PDE4B: variants seen among roughly 807,000 people sequenced by gnomAD.
The protein encoded by PDE4B is 3',5'-cyclic-AMP phosphodiesterase 4B.
PDE4B carries 20 observed loss-of-function variants against 82.2 expected under a neutral mutation model. The observed-to-expected ratio is 0.24, with a 90% CI of 0.17 to 0.35. The LOEUF (loss-of-function observed/expected upper bound fraction) is 0.35, where lower values mean the gene tolerates loss of function less well. Ranked by LOEUF, PDE4B falls within the 10% of genes least tolerant of loss-of-function variation. The pLI is 1.00. For missense variants in PDE4B, 655 were observed against 907.2 expected (o/e 0.72, Z 3.57); for synonymous variants, 320 against 318.9 (o/e 1.00, Z -0.04).
chr1:66,084,932 A>G (rs916656679), intron 3 of PDE4B, among the ~76,000 whole-genome samples: 2 of 152,170 alleles, frequency 1.3e-5, no homozygotes, highest in Admixed American at 6.5e-5. Flanking sequence ...ACAGCCAGTC[A>G]CATGCATAGA....
At chr1:66,094,933 G>A (rs935470607) in intron 3 of PDE4B, among the ~76,000 whole-genome samples, 1 of 151,884 alleles carries the variant, frequency 6.6e-6, no homozygotes, top group African/African-American at 2.4e-5. Context: ...ATGAACCTGT[G>A]CAGTCTGACT....
chr1:66,174,956 A>G (rs375428711), intron 3 of PDE4B, among the ~76,000 whole-genome samples: 1 of 152,150 alleles, frequency 6.6e-6, no homozygotes, highest in Non-Finnish European at 1.5e-5. Context: ...GGAGAGAGAG[A>G]GGGAGGAGGT....
At chr1:66,244,912 A>G (rs897881578) in intron 3 of PDE4B, among the ~76,000 whole-genome samples, 14 of 152,176 alleles carry the variant, frequency 9.2e-5, no homozygotes, top group Non-Finnish European at 1.6e-4. Context: ...CTAGGGACAG[A>G]ATGCCTATGA....
At chr1:65,998,092 G>A (rs2100698387) in intron 3 of PDE4B, among the ~76,000 whole-genome samples, 1 of 152,118 alleles carries the variant, frequency 6.6e-6, no homozygotes, top group South Asian at 2.1e-4. Flanking sequence ...TATATAATGT[G>A]TTGGATATTA....
intron 7 of PDE4B, among the ~76,000 whole-genome samples, chr1:66,291,656 G>C (rs951199543): frequency 7.9e-5 from 12 of 152,106 alleles, no homozygotes; most frequent in African/African-American, 2.9e-4. Context: ...GGTGACCTAT[G>C]TTAAGAGAAT....
intron 1 of PDE4B, among the ~76,000 whole-genome samples, chr1:65,830,245 G>A (rs963809574): frequency 1.3e-5 from 2 of 152,060 alleles, no homozygotes; most frequent in Non-Finnish European, 2.9e-5. Context: ...ATAAACAAAT[G>A]ATTGAAAAAT....
At chr1:66,007,482 A>G (rs1292110286) in intron 3 of PDE4B, among the ~76,000 whole-genome samples, 3 of 152,114 alleles carry the variant, frequency 2.0e-5, no homozygotes, top group East Asian at 1.9e-4. Context: ...CAAATGAAAA[A>G]CAAGTATAAA....
intron 1 of PDE4B, among the ~76,000 whole-genome samples, chr1:65,899,290 T>A (rs1375178017): frequency 1.3e-5 from 2 of 151,876 alleles, no homozygotes; most frequent in African/African-American, 4.8e-5. Flanking sequence ...CCTACAAGAA[T>A]GGCCATAATA....
chr1:65,843,113 T>C (rs1422279292), intron 1 of PDE4B, among the ~76,000 whole-genome samples: 3 of 152,146 alleles, frequency 2.0e-5, no homozygotes, highest in Admixed American at 6.6e-5. Flanking sequence ...TAAAGGGCCT[T>C]TTCTGTCATA....
intron 3 of PDE4B, among the ~76,000 whole-genome samples, chr1:66,075,732 G>A (rs1164946274): frequency 1.3e-5 from 2 of 152,042 alleles, no homozygotes; most frequent in East Asian, 3.9e-4. Context: ...GCAACGGGAA[G>A]AAGACCTCTG....
chr1:66,267,037 T>C (rs1416111097), intron 7 of PDE4B: 3 of 157,162 alleles, frequency 1.9e-5, no homozygotes, highest in Non-Finnish European at 4.2e-5. Flanking sequence ...ATAACGGAAG[T>C]ATTACAAAAG....
At chr1:65,795,496 C>T (rs1322215539) in intron 1 of PDE4B, among the ~76,000 whole-genome samples, 2 of 152,232 alleles carry the variant, frequency 1.3e-5, no homozygotes, top group Non-Finnish European at 2.9e-5. Context: ...TGTGCCAAAT[C>T]GTTCTTCAAG....
intron 3 of PDE4B, among the ~76,000 whole-genome samples, chr1:66,071,516 A>G (rs974938729): frequency 2.0e-5 from 3 of 152,108 alleles, no homozygotes; most frequent in African/African-American, 7.2e-5. Flanking sequence ...CATTGCTGTA[A>G]AACTGAAATG....
At position 65,918,752 on chromosome 1, in the gene PDE4B, T is replaced by C; in HGVS notation, c.198T>C (p.Pro66=). Residue 66 remains proline (P), a synonymous_variant, in exon 3 of 17, where the codon CCT becomes CCC. Coordinates refer to ENST00000341517, the MANE Select transcript of PDE4B (RefSeq NM_002600.4). ...GACAGAGTGAAAGGGCAAGGACTCCTGAGGGAGATGGTATTTCCAGGCCGA... is the reference window on the plus strand; with the variant it reads ...GACAGAGTGAAAGGGCAAGGACTCCCGAGGGAGATGGTATTTCCAGGCCGA... ...SQRQSERART[P]EGDGISRPTT... 3 of 1,614,034 alleles carry C rather than the reference T, an allele frequency of 1.9e-6. No homozygotes were observed. Among genetic ancestry groups the C allele is most frequent in the Middle Eastern group, 1.7e-4 (1 of 6,060 alleles).
At chr1:66,221,106 C>T (rs1033035989) in intron 3 of PDE4B, among the ~76,000 whole-genome samples, 10 of 152,014 alleles carry the variant, frequency 6.6e-5, no homozygotes, top group African/African-American at 2.2e-4. Context: ...CCTGGAGAGC[C>T]AGCCCTAGAA....
chr1:65,989,026 T>C (rs1651102809), intron 3 of PDE4B, among the ~76,000 whole-genome samples: 1 of 151,882 alleles, frequency 6.6e-6, no homozygotes, highest in Admixed American at 6.6e-5. Context: ...AATTGACCTT[T>C]CTTTTCAATT....
intron 3 of PDE4B, among the ~76,000 whole-genome samples, chr1:65,926,713 A>C (rs1421371383): frequency 6.6e-6 from 1 of 152,010 alleles, no homozygotes; most frequent in Non-Finnish European, 1.5e-5. Flanking sequence ...TGATTACTTC[A>C]CTTCTTTTGC....
intron 3 of PDE4B, among the ~76,000 whole-genome samples, chr1:66,203,271 G>T (rs1341241678): frequency 6.6e-6 from 1 of 152,054 alleles, no homozygotes; most frequent in East Asian, 1.9e-4. Context: ...CTCTCTGGCT[G>T]CCCTTAACAT....
chr1:66,355,968 A>G (rs1019849404), intron 9 of PDE4B, among the ~76,000 whole-genome samples: 2 of 152,172 alleles, frequency 1.3e-5, no homozygotes, highest in African/African-American at 2.4e-5. Flanking sequence ...AGGCAGCTCC[A>G]TTAGCTTCTC....
Sources: allele counts gnomAD v4.1 joint callset (sites outside exome capture counted in the v4.1 genomes callset), GRCh38; gene constraint gnomAD v4.1.1; transcripts MANE v1.5; gene names NCBI Gene and HGNC (gene_info 2026-07-23, HGNC 2026-07-21).